Variants in TLL1 observed in about 807,000 individuals in gnomAD.
TLL1 encodes the protein tolloid-like protein 1.
TLL1 carries 49 observed loss-of-function variants against 128.2 expected under a neutral mutation model. That is an observed-to-expected ratio of 0.38 (90% confidence interval 0.30 to 0.48). The LOEUF (loss-of-function observed/expected upper bound fraction) is 0.48, where lower values mean the gene tolerates loss of function less well. Ranked by LOEUF, TLL1 falls within the 20% of genes least tolerant of loss-of-function variation. The pLI, the probability that TLL1 is intolerant of heterozygous loss-of-function variation, is 0.96. For synonymous variants in TLL1, 454 were observed against 418.8 expected, an observed-to-expected ratio of 1.08 and a Z score of -1.03; for missense variants, 1,123 against 1,242.0, an observed-to-expected ratio of 0.90 and a Z score of 1.44.
intron 16 of TLL1, 47 bp from the exon 17 acceptor site, chr4:166,074,831 T>A (rs189713053): frequency 6.2e-7 from 1 of 1,608,950 alleles, no homozygotes; most frequent in Non-Finnish European, 8.5e-7. Flanking sequence ...TGATATCCTC[T>A]GTTTTTAAAG....
At chr4:166,041,283 A>G (rs1579660793) in intron 10 of TLL1, among the ~76,000 whole-genome samples, 1 of 143,014 alleles carries the variant, frequency 7.0e-6, no homozygotes, top group South Asian at 2.2e-4. Context: ...AGCTGAGAGC[A>G]CATTCTTTCT....
chr4:165,955,161 C>T (rs1358091427), intron 1 of TLL1, among the ~76,000 whole-genome samples: 1 of 151,902 alleles, frequency 6.6e-6, no homozygotes, highest in East Asian at 1.9e-4. Context: ...ATAGAGCAAG[C>T]TGAGAAAAGA....
chr4:165,923,243 AT>A (rs1216284013), intron 1 of TLL1, among the ~76,000 whole-genome samples: 5 of 151,540 alleles, frequency 3.3e-5, no homozygotes, highest in African/African-American at 7.3e-5. Context: ...CCACAGCAAA[AT>A]TTTTTTCAGT....
chr4:166,073,048 T>C (rs1740862035), intron 16 of TLL1, among the ~76,000 whole-genome samples: 1 of 152,128 alleles, frequency 6.6e-6, no homozygotes, highest in South Asian at 2.1e-4. Context: ...ATAAACATTT[T>C]CAAAGGAAAT....
chr4:166,039,545 G>C (rs1739152246), intron 10 of TLL1, 104 bp downstream of exon 10: 3 of 787,616 alleles, frequency 3.8e-6, no homozygotes, highest in Non-Finnish European at 6.5e-6. Context: ...AAATGTGTGT[G>C]ACTAACATTA....
At chr4:165,967,560 C>A (rs2110971842) in intron 1 of TLL1, among the ~76,000 whole-genome samples, 1 of 152,248 alleles carries the variant, frequency 6.6e-6, no homozygotes, top group East Asian at 1.9e-4. Context: ...TGACTGCCCA[C>A]AACAAAGATG....
Position 165,906,787 on chromosome 4 carries a change from G to C in TLL1, c.169+32714G>C, listed in dbSNP as rs533518780. On this transcript the variant is annotated intron_variant, in intron 1 of 20. Coordinates refer to ENST00000061240, the MANE Select transcript of TLL1 (RefSeq NM_012464.5). ...GTATCTTAGTGTAGTGATTTTATAG[G>C]ATAGTAGACTACAGATCCTTTTGTC... is the stretch of plus-strand genomic sequence containing the variant. Among the ~76,000 whole-genome samples, 93 of 148,756 alleles carry C rather than the reference G, an allele frequency of 6.3e-4. 1 individual carries two copies. The highest frequency in any genetic ancestry group is 9.8e-4 in the Non-Finnish European group (66 of 67,470).
chr4:166,093,376 C>A (rs1239339130), intron 19 of TLL1, among the ~76,000 whole-genome samples: 1 of 152,118 alleles, frequency 6.6e-6, no homozygotes, highest in Non-Finnish European at 1.5e-5. Context: ...AGGTACTATG[C>A]CTGGATGTGC....
intron 1 of TLL1, among the ~76,000 whole-genome samples, chr4:165,921,771 C>T (rs575166208): frequency 6.6e-6 from 1 of 152,152 alleles, no homozygotes; most frequent in Non-Finnish European, 1.5e-5. Flanking sequence ...CACACTTCAG[C>T]TGAGACTGTT....
intron 1 of TLL1, among the ~76,000 whole-genome samples, chr4:165,917,544 T>C (rs1566752): frequency 0.51 from 77,704 of 151,920 alleles, 21,499 homozygotes; most frequent in East Asian, 0.98. Flanking sequence ...ATATCTTTGT[T>C]GTATTATATT....
At chr4:166,023,696 T>A (rs1323638373) in intron 8 of TLL1, among the ~76,000 whole-genome samples, 1 of 152,174 alleles carries the variant, frequency 6.6e-6, no homozygotes, top group Non-Finnish European at 1.5e-5. Context: ...TCAGACACTA[T>A]ATTATCTGGA....
At chr4:165,980,884 A>G (rs1195982996) in intron 1 of TLL1, among the ~76,000 whole-genome samples, 1 of 152,122 alleles carries the variant, frequency 6.6e-6, no homozygotes, top group Non-Finnish European at 1.5e-5. Context: ...AATTGTCTCA[A>G]TGTCTGAGTA....
At chr4:165,970,810 A>G (rs1194684940) in intron 1 of TLL1, among the ~76,000 whole-genome samples, 1 of 152,214 alleles carries the variant, frequency 6.6e-6, no homozygotes, top group African/African-American at 2.4e-5. Flanking sequence ...GATACGTGCA[A>G]AATCAAAGAG....
At chr4:166,098,203 T>C (rs1265198243) in intron 19 of TLL1, among the ~76,000 whole-genome samples, 1 of 151,776 alleles carries the variant, frequency 6.6e-6, no homozygotes, top group East Asian at 1.9e-4. Flanking sequence ...CATGTGGTAG[T>C]GAGCGCCTGT....
chr4:166,061,738 A>C (rs1185969978), intron 15 of TLL1, among the ~76,000 whole-genome samples: 2 of 151,904 alleles, frequency 1.3e-5, no homozygotes, highest in Non-Finnish European at 2.9e-5. Flanking sequence ...CCCATTTGTC[A>C]ATTTTGGCTT....
rs576966329 is a variant in TLL1, at chr4:166,033,791, ATG to A, written c.1159-5545_1159-5544del. On this transcript the variant is annotated intron_variant, in intron 9 of 20. Coordinates refer to ENST00000061240, the MANE Select transcript of TLL1 (RefSeq NM_012464.5). ...TGGTTCATGCTGGCAACAATCCAAA[ATG>A]TGCAGCGAAGAGGGTAGCTGTGTTG... Among the ~76,000 whole-genome samples the A allele has an allele frequency of 6.6e-5, 10 of 152,292 alleles. No homozygotes were observed. In the South Asian group the frequency reaches 2.1e-3, roughly 32 times the overall value.
chr4:166,050,961 T>C (rs1739694605), intron 12 of TLL1, among the ~76,000 whole-genome samples: 1 of 152,238 alleles, frequency 6.6e-6, no homozygotes, highest in Non-Finnish European at 1.5e-5. Flanking sequence ...ACTTCTGATA[T>C]CATTTACTTA....
chr4:166,004,510 G>A (rs1211728194), intron 6 of TLL1, among the ~76,000 whole-genome samples: 1 of 152,044 alleles, frequency 6.6e-6, no homozygotes, highest in Non-Finnish European at 1.5e-5. Flanking sequence ...AAGTGAGTGA[G>A]AAAAGTGACA....
chr4:166,033,988 T>C (rs1327372963), intron 9 of TLL1, among the ~76,000 whole-genome samples: 1 of 152,200 alleles, frequency 6.6e-6, no homozygotes, highest in African/African-American at 2.4e-5. Flanking sequence ...TAATCACTCA[T>C]CTATGATTTA....
Sources: gnomAD v4.1 joint callset for allele counts (sites outside exome capture counted in the v4.1 genomes callset) on GRCh38, gnomAD v4.1.1 for gene constraint, MANE v1.5 for transcripts, NCBI Gene and HGNC (gene_info 2026-07-23, HGNC 2026-07-21) for gene names.